Variants in ZNF423 observed in about 807,000 individuals in gnomAD.
ZNF423 encodes the protein Ebf-associated zinc finger protein.
ZNF423 carries 12 observed loss-of-function variants against 95.8 expected under a neutral mutation model. The ratio of observed to expected loss-of-function variants is 0.13; its 90% CI spans 0.08 to 0.20. ZNF423 has a LOEUF of 0.20. ZNF423 is among the 10% of genes least tolerant of loss of function. ZNF423 has a pLI of 1.00. For missense variants in ZNF423, 1,316 were observed against 1,737.1 expected (o/e 0.76, Z 4.31); for synonymous variants, 749 against 711.9 (o/e 1.05, Z -0.83).
At chr16:49,796,956 G>T (rs993816734) in intron 1 of ZNF423, among the ~76,000 whole-genome samples, 2 of 152,122 alleles carry the variant, frequency 1.3e-5, no homozygotes, top group African/African-American at 4.8e-5. Flanking sequence ...CTTTCCCCAA[G>T]GCCTTGGGAA....
chr16:49,845,167 TC>T (rs1391598560), intron 1 of ZNF423, among the ~76,000 whole-genome samples: 2 of 151,538 alleles, frequency 1.3e-5, no homozygotes, highest in African/African-American at 4.9e-5. Context: ...TAAGATGGAG[TC>T]TTGCTCTGTC....
At chr16:49,802,521 G>A (rs915008054) in intron 1 of ZNF423, among the ~76,000 whole-genome samples, 1 of 152,150 alleles carries the variant, frequency 6.6e-6, no homozygotes, top group Non-Finnish European at 1.5e-5. Flanking sequence ...TACCAAACAG[G>A]ACACTGCTGA....
intron 2 of ZNF423, among the ~76,000 whole-genome samples, chr16:49,753,771 C>G (rs139731558): frequency 0.042 from 6,439 of 152,256 alleles, 178 homozygotes; most frequent in Non-Finnish European, 0.066. Flanking sequence ...TGGTTCATGC[C>G]TGTAATCCCA....
At chr16:49,793,656 C>A (rs552761472) in intron 1 of ZNF423, among the ~76,000 whole-genome samples, 1 of 152,082 alleles carries the variant, frequency 6.6e-6, no homozygotes, top group Non-Finnish European at 1.5e-5. Flanking sequence ...CAGGGTATAC[C>A]GGCATAGGGA....
chr16:49,724,677 T>C (rs1274454254), intron 3 of ZNF423, among the ~76,000 whole-genome samples: 2 of 152,170 alleles, frequency 1.3e-5, no homozygotes, highest in African/African-American at 2.4e-5. Flanking sequence ...AGCCCTGTAA[T>C]TGGGGCCCAC....
intron 3 of ZNF423, among the ~76,000 whole-genome samples, chr16:49,730,329 T>G (rs1255924819): frequency 6.6e-6 from 1 of 152,214 alleles, no homozygotes; most frequent in Non-Finnish European, 1.5e-5. Flanking sequence ...GGTCCCTTTT[T>G]CACGGGCTGT....
intron 3 of ZNF423, among the ~76,000 whole-genome samples, chr16:49,728,031 C>T (rs1037758903): frequency 6.6e-6 from 1 of 152,130 alleles, no homozygotes; most frequent in East Asian, 1.9e-4. Flanking sequence ...TAAGGTGAAT[C>T]GCTCCGACTG....
At chr16:49,811,879 A>G (rs1190868786) in intron 1 of ZNF423, among the ~76,000 whole-genome samples, 1 of 151,684 alleles carries the variant, frequency 6.6e-6, no homozygotes, top group Non-Finnish European at 1.5e-5. Context: ...AGCCACCGCC[A>G]GCCAGAAAGA....
intron 7 of ZNF423, among the ~76,000 whole-genome samples, chr16:49,499,738 C>A (rs1207304236): frequency 4.6e-5 from 7 of 152,092 alleles, no homozygotes; most frequent in Admixed American, 2.6e-4. Context: ...ACTCTTCCCT[C>A]GCATGAAAAC....
chr16:49,576,281 G>GGGTGC (rs1970497847), intron 5 of ZNF423, among the ~76,000 whole-genome samples: 1 of 152,228 alleles, frequency 6.6e-6, no homozygotes, highest in African/African-American at 2.4e-5. Flanking sequence ...TGCTCAGGCA[G>GGGTGC]CTGACTGGGG....
chr16:49,683,683 G>A (rs999927159), intron 3 of ZNF423, among the ~76,000 whole-genome samples: 7 of 152,200 alleles, frequency 4.6e-5, no homozygotes, highest in East Asian at 1.9e-4. Flanking sequence ...CTGGTCCGAT[G>A]CTCAACACTT....
chr16:49,642,785 A>G (rs1973017400), intron 3 of ZNF423, among the ~76,000 whole-genome samples: 1 of 150,700 alleles, frequency 6.6e-6, no homozygotes, highest in Non-Finnish European at 1.5e-5. Flanking sequence ...GTCAGCAGAG[A>G]AAGCGGTTCT....
chr16:49,745,731 C>T (rs1461138272), intron 2 of ZNF423, among the ~76,000 whole-genome samples: 1 of 152,154 alleles, frequency 6.6e-6, no homozygotes, highest in Non-Finnish European at 1.5e-5. Flanking sequence ...AATGCTAACT[C>T]GTGTCACCAA....
At chr16:49,854,432 A>G in intron 1 of ZNF423, 1 of 985,442 alleles carries the variant, frequency 1.0e-6, no homozygotes, top group Non-Finnish European at 1.2e-6. Context: ...CAAGGCTGGC[A>G]GGAAGGGAGC....
intron 5 of ZNF423, among the ~76,000 whole-genome samples, chr16:49,615,943 C>T (rs1001625868): frequency 1.3e-5 from 2 of 152,172 alleles, no homozygotes; most frequent in East Asian, 3.9e-4. Flanking sequence ...GAGGCCGCTG[C>T]ATACGTTTCA....
chr16:49,699,946 G>A (rs1456896955), intron 3 of ZNF423, among the ~76,000 whole-genome samples: 1 of 152,074 alleles, frequency 6.6e-6, no homozygotes, highest in African/African-American at 2.4e-5. Flanking sequence ...CCCGAGCCAG[G>A]GCCCCAGGCC....
chr16:49,760,889 C>A (rs2033818150), intron 2 of ZNF423, among the ~76,000 whole-genome samples: 1 of 149,914 alleles, frequency 6.7e-6, no homozygotes, highest in Non-Finnish European at 1.5e-5. Context: ...ATTCCCCCTG[C>A]CATGCCGTCA....
intron 7 of ZNF423, among the ~76,000 whole-genome samples, chr16:49,519,721 A>G (rs1397352979): frequency 6.6e-6 from 1 of 152,170 alleles, no homozygotes; most frequent in East Asian, 1.9e-4. Flanking sequence ...AACTTCTTAC[A>G]TTTTGATTCA....
intron 7 of ZNF423, among the ~76,000 whole-genome samples, chr16:49,522,423 T>G (rs928654185): frequency 1.3e-5 from 2 of 152,094 alleles, no homozygotes; most frequent in African/African-American, 4.8e-5. Flanking sequence ...GGACCCTCCG[T>G]GGGCCTGGGT....
Sources: allele counts gnomAD v4.1 joint callset (sites outside exome capture counted in the v4.1 genomes callset), GRCh38; gene constraint gnomAD v4.1.1; transcripts MANE v1.5; gene names NCBI Gene and HGNC (gene_info 2026-07-23, HGNC 2026-07-21).